The following WLS variants were observed in gnomAD, a reference collection of about 807,000 sequenced individuals.
WLS encodes Wnt ligand secretion mediator.
A neutral mutation model predicts 62.8 loss-of-function variants in WLS; 23 were observed. That is an observed-to-expected ratio of 0.37 (90% confidence interval 0.26 to 0.52). The LOEUF (loss-of-function observed/expected upper bound fraction) is 0.52. WLS is among the 20% of genes least tolerant of loss of function. The pLI, the probability that WLS is intolerant of heterozygous loss-of-function variation, is 0.92. For synonymous variants in WLS, 246 were observed against 244.1 expected, an observed-to-expected ratio of 1.01 and a Z score of -0.07; for missense variants, 615 against 697.3, an observed-to-expected ratio of 0.88 and a Z score of 1.33.
chr1:68,190,299 A>G (rs947328492), intron 2 of WLS, among the ~76,000 whole-genome samples: 1 of 152,034 alleles, frequency 6.6e-6, no homozygotes, highest in Non-Finnish European at 1.5e-5. Context: ...TGAAACTGTG[A>G]CTCCATTGAA....
chr1:68,102,477 A>G (rs77449358), intron 11 of WLS, among the ~76,000 whole-genome samples: 2,191 of 152,168 alleles, frequency 0.014, 52 homozygotes, highest in African/African-American at 0.05. Context: ...TCTGACCTCC[A>G]TGTTTCTGCA....
intron 3 of WLS, among the ~76,000 whole-genome samples, chr1:68,156,187 C>G (rs768486800): frequency 2.6e-5 from 4 of 152,136 alleles, no homozygotes; most frequent in Non-Finnish European, 5.9e-5. Context: ...CAGGCCGGGA[C>G]TTTTCCCTGA....
chr1:68,102,310 G>T (rs893938870), intron 11 of WLS, among the ~76,000 whole-genome samples: 2 of 152,140 alleles, frequency 1.3e-5, no homozygotes, highest in South Asian at 2.1e-4. Context: ...GTTGGAGAAG[G>T]GTCCTAAACA....
At chr1:68,164,830 G>A (rs1489498957) in intron 2 of WLS, among the ~76,000 whole-genome samples, 2 of 152,166 alleles carry the variant, frequency 1.3e-5, no homozygotes, top group Non-Finnish European at 2.9e-5. Flanking sequence ...GAGAGACTCT[G>A]GACTTGAGGA....
Position 68,192,120 on chromosome 1 carries a change from T to C in WLS, c.379+1835A>G, listed in dbSNP as rs553080144. ...CTAACAGCAGAATGCCTAGCAGTGG[T>C]AGGCACTCAAAAACAGTTTAAAATA... is the stretch of plus-strand genomic sequence containing the variant. On this transcript the variant is annotated intron_variant, in intron 2 of 11. Transcript: ENST00000262348. Among the ~76,000 whole-genome samples, 13 of 152,268 alleles carry C rather than the reference T, an allele frequency of 8.5e-5. No homozygotes were observed. The East Asian group carries it at 2.5e-3, about 29-fold the overall frequency.
chr1:68,141,852 C>T (rs530559355), intron 10 of WLS: 15 of 152,082 alleles, frequency 9.9e-5, no homozygotes, highest in Admixed American at 3.9e-4. Context: ...TGCCGGAAAA[C>T]GTCTTAGATG....
chr1:68,229,254 C>T (rs1000476189), intron 1 of WLS, among the ~76,000 whole-genome samples: 1 of 152,086 alleles, frequency 6.6e-6, no homozygotes, highest in Non-Finnish European at 1.5e-5. Context: ...GTATGCAGTA[C>T]TCACACCCTT....
At chr1:68,126,657 G>A (rs1646435359) in intron 11 of WLS, among the ~76,000 whole-genome samples, 1 of 152,130 alleles carries the variant, frequency 6.6e-6, no homozygotes, top group Admixed American at 6.5e-5. Flanking sequence ...TAATCACTTT[G>A]TAAGTGATCT....
rs1646425418 is a variant in WLS at position 68,126,056 on chromosome 1, A to G, written c.*170T>C. On this transcript the variant is annotated 3_prime_UTR_variant, in exon 12 of 12. Transcript: ENST00000262348. Reference sequence around the variant, plus strand: ...GTGGCTGCAGGAATCTTCCTCCAAAAGCTACCGTCAGAAGGCAAACTGACA... The same window carrying G: ...GTGGCTGCAGGAATCTTCCTCCAAAGGCTACCGTCAGAAGGCAAACTGACA... 1 of 1,435,946 alleles carries G rather than the reference A, an allele frequency of 7.0e-7. No homozygotes were observed. Among genetic ancestry groups the G allele is most frequent in the Admixed American group, 2.8e-5 (1 of 35,214 alleles). 89.0% of individuals were successfully genotyped at this position (1,435,946 alleles called of 1,614,324 possible). A position where few individuals can be genotyped will look rare whatever the true frequency, so the allele number is the denominator to read the frequency against.
intron 1 of WLS, chr1:68,231,792 A>T (rs778908870): frequency 1.9e-5 from 9 of 475,716 alleles, no homozygotes; most frequent in Non-Finnish European, 3.6e-5. Flanking sequence ...AAAGTCGATT[A>T]CGTTGCCCTC....
At chr1:68,146,953 T>G (rs2100455167) in intron 8 of WLS, among the ~76,000 whole-genome samples, 1 of 152,244 alleles carries the variant, frequency 6.6e-6, no homozygotes. Flanking sequence ...TGGCACAATC[T>G]TGGCTCACCA....
At chr1:68,222,578 A>G (rs1649984754) in intron 1 of WLS, among the ~76,000 whole-genome samples, 2 of 152,146 alleles carry the variant, frequency 1.3e-5, no homozygotes, top group South Asian at 4.1e-4. Flanking sequence ...TCTGAAGGAC[A>G]TATATCTTTG....
intron 6 of WLS, 110 bp downstream of exon 6, chr1:68,150,077 GT>G: frequency 8.6e-7 from 1 of 1,169,162 alleles, no homozygotes; most frequent in Non-Finnish European, 1.2e-6. Context: ...GTAACTACTA[GT>G]TTATTCTGTC....
At chr1:68,113,704 G>A (rs963672125) in intron 11 of WLS, among the ~76,000 whole-genome samples, 2 of 152,142 alleles carry the variant, frequency 1.3e-5, no homozygotes, top group Non-Finnish European at 2.9e-5. Context: ...GAGCATGTTA[G>A]AAATGCATCG....
intron 11 of WLS, among the ~76,000 whole-genome samples, chr1:68,111,600 T>A (rs557339213): frequency 6.6e-6 from 1 of 152,244 alleles, no homozygotes; most frequent in Non-Finnish European, 1.5e-5. Context: ...TAAATGCCAG[T>A]GTGCCCCTAT....
chr1:68,122,890 C>A (rs1297601474), downstream of WLS, among the ~76,000 whole-genome samples: 1 of 152,210 alleles, frequency 6.6e-6, no homozygotes, highest in Non-Finnish European at 1.5e-5. Context: ...CTCTGGACCT[C>A]AAGTTTCTCC....
intron 2 of WLS, among the ~76,000 whole-genome samples, chr1:68,166,447 T>C (rs1477414916): frequency 1.3e-5 from 2 of 152,170 alleles, no homozygotes; most frequent in Non-Finnish European, 2.9e-5. Flanking sequence ...GAAGACGTTA[T>C]ATAAATTGCC....
At chr1:68,115,551 C>G (rs1646280767) in intron 11 of WLS, among the ~76,000 whole-genome samples, 1 of 152,206 alleles carries the variant, frequency 6.6e-6, no homozygotes, top group Non-Finnish European at 1.5e-5. Context: ...CCTCTCTGAG[C>G]TCCAGCATGC....
At chr1:68,173,743 C>T (rs923126794) in intron 2 of WLS, among the ~76,000 whole-genome samples, 1 of 152,156 alleles carries the variant, frequency 6.6e-6, no homozygotes, top group Non-Finnish European at 1.5e-5. Flanking sequence ...CAGACAAGAG[C>T]TCTGGCAGAT....
Sources: gnomAD v4.1 joint callset for allele counts (sites outside exome capture counted in the v4.1 genomes callset) on GRCh38, gnomAD v4.1.1 for gene constraint, MANE v1.5 for transcripts, NCBI Gene and HGNC (gene_info 2026-07-23, HGNC 2026-07-21) for gene names.